The following FAIM variants were observed in gnomAD, a reference collection of about 807,000 sequenced individuals.
FAIM encodes the protein Fas apoptotic inhibitory molecule, also known as fas apoptotic inhibitory molecule 1.
FAIM carries 14 observed loss-of-function variants against 21.2 expected under a neutral mutation model. That is an observed-to-expected ratio of 0.66 (90% confidence interval 0.44 to 1.03). The LOEUF (loss-of-function observed/expected upper bound fraction) is 1.03, where lower values mean the gene tolerates loss of function less well. Among genes scored for constraint, FAIM ranks in the 50% least tolerant of loss-of-function variants. The pLI, the probability that FAIM is intolerant of heterozygous loss-of-function variation, is 0.00. For missense variants in FAIM, 222 were observed against 247.1 expected, an observed-to-expected ratio of 0.90 and a Z score of 0.68; for synonymous variants, 86 against 80.4, an observed-to-expected ratio of 1.07 and a Z score of -0.37.
In FAIM at chr3:138,622,410, G is replaced by C; in HGVS notation, c.400G>C (p.Val134Leu). Residue 134 changes from valine (V) to leucine (L), a missense_variant, in exon 4 of 6, where the codon GTT becomes CTT. Val to Leu is a conservative substitution (Grantham distance 32). Transcript: ENST00000360570. ...CATGGATGGTGAGAACTTTAGAATT[G>C]TTTTGGGTAAGTTAGTGCTGTTTCC... ...LHMDGENFRI[V>L]LEKDAMDVWC... The C allele has an allele frequency of 3.2e-6, 5 of 1,565,264 alleles. No individual in the cohort carries two copies. The highest frequency in any genetic ancestry group is 1.8e-4 in the Middle Eastern group (1 of 5,698).
chr3:138,628,676 G>C (rs1256860275), intron 4 of FAIM, among the ~76,000 whole-genome samples: 1 of 151,822 alleles, frequency 6.6e-6, no homozygotes, highest in Non-Finnish European at 1.5e-5. Flanking sequence ...GTAGAGATGG[G>C]GTTTCACCGT....
chr3:138,626,975 T>C (rs1342251171), intron 4 of FAIM, among the ~76,000 whole-genome samples: 3 of 152,192 alleles, frequency 2.0e-5, no homozygotes, highest in African/African-American at 7.2e-5. Context: ...TTGTATTTCC[T>C]TTCTCATGAT....
rs188565413 is a variant in FAIM, at chr3:138,622,535, G to A, written c.406+119G>A. ...AAAAGAAGAGGGAGTGTAAGTGCAG[G>A]TGTATTTCATTTGTTTAGAAACATT... On this transcript the variant is annotated intron_variant, in intron 4 of 5. Coordinates refer to ENST00000360570, the MANE Select transcript of FAIM (RefSeq NM_001033031.2). The A allele has an allele frequency of 8.7e-6, 6 of 687,846 alleles. No individual in the cohort carries two copies. In the East Asian group the frequency reaches 1.7e-4, roughly 20 times the overall value. 42.6% of individuals were successfully genotyped at this position (687,846 alleles called of 1,614,324 possible). A position where few individuals can be genotyped will look rare whatever the true frequency, so the allele number is the denominator to read the frequency against.
chr3:138,622,405 G>C lies in FAIM; in HGVS notation c.395G>C (p.Arg132Thr). The change falls in exon 4 of 6, where the codon AGA becomes ACA. Residue 132 changes from arginine (R) to threonine (T), a missense_variant. Coordinates refer to ENST00000360570, the MANE Select transcript of FAIM (RefSeq NM_001033031.2). Reference sequence around the variant, plus strand: ...TTACACATGGATGGTGAGAACTTTAGAATTGTTTTGGGTAAGTTAGTGCTG... The same window carrying C: ...TTACACATGGATGGTGAGAACTTTACAATTGTTTTGGGTAAGTTAGTGCTG... ...WVLHMDGENFRIVLEKDAMDV... is the reference protein window; with the variant it reads ...WVLHMDGENFTIVLEKDAMDV... The C allele has an allele frequency of 6.3e-7, 1 of 1,591,890 alleles. No individual in the cohort carries two copies. The highest frequency in any genetic ancestry group is 8.5e-7 in the Non-Finnish European group (1 of 1,171,306).
At chr3:138,626,018 G>T (rs113363648) in intron 4 of FAIM, among the ~76,000 whole-genome samples, 38 of 152,304 alleles carry the variant, frequency 2.5e-4, no homozygotes, top group African/African-American at 8.9e-4. Flanking sequence ...AAGTACATAT[G>T]AAACTTCACG....
intron 1 of FAIM, among the ~76,000 whole-genome samples, 161 bp from the exon 2 acceptor site, chr3:138,619,550 A>G (rs1442665294): frequency 6.6e-6 from 1 of 152,238 alleles, no homozygotes; most frequent in Non-Finnish European, 1.5e-5. Context: ...AAAGATTGCA[A>G]TTCTATTTTA....
intron 4 of FAIM, among the ~76,000 whole-genome samples, chr3:138,625,899 A>C (rs1375522640): frequency 6.6e-6 from 1 of 152,122 alleles, no homozygotes; most frequent in Non-Finnish European, 1.5e-5. Flanking sequence ...ACCACCTAAA[A>C]AATGTGAGGC....
chr3:138,622,129 TA>T, intron 3 of FAIM, 58 bp from the exon 4 acceptor site: 1 of 1,350,776 alleles, frequency 7.4e-7, no homozygotes. Context: ...ACGTTATTTC[TA>T]AAATTAGATA....
chr3:138,615,364 C>T (rs9851419), intron 1 of FAIM, among the ~76,000 whole-genome samples: 1 of 152,210 alleles, frequency 6.6e-6, no homozygotes, highest in Non-Finnish European at 1.5e-5. Flanking sequence ...GGGCATTTAA[C>T]TATTTGTTGA....
intron 4 of FAIM, among the ~76,000 whole-genome samples, chr3:138,628,523 T>G (rs192262229): frequency 6.6e-6 from 1 of 151,928 alleles, no homozygotes; most frequent in Non-Finnish European, 1.5e-5. Context: ...CTTTCTCTGT[T>G]GCCCAGGCTA....
intron 1 of FAIM, among the ~76,000 whole-genome samples, chr3:138,617,806 G>C (rs1301738186): frequency 7.0e-6 from 1 of 142,676 alleles, no homozygotes; most frequent in Non-Finnish European, 1.5e-5. Context: ...TTATTATTTT[G>C]GACATAGATA....
intron 4 of FAIM, 105 bp from the exon 5 acceptor site, chr3:138,629,002 A>C: frequency 1.3e-6 from 1 of 768,074 alleles, no homozygotes; most frequent in Non-Finnish European, 2.0e-6. Context: ...ATGGAGTTTT[A>C]GAGATCTGGT....
intron 1 of FAIM, among the ~76,000 whole-genome samples, chr3:138,609,360 C>T (rs540066139): frequency 1.3e-5 from 2 of 152,088 alleles, no homozygotes; most frequent in African/African-American, 4.8e-5. Context: ...AAAGATAATA[C>T]TTCTCACTGT....
chr3:138,609,653 C>T (rs1478498613), intron 1 of FAIM, among the ~76,000 whole-genome samples: 3 of 136,720 alleles, frequency 2.2e-5, no homozygotes, highest in Admixed American at 7.8e-5. Context: ...ACTGTACATT[C>T]CTGTGTGTCA....
At chr3:138,609,323 C>G (rs1198333701) in intron 1 of FAIM, among the ~76,000 whole-genome samples, 1 of 151,866 alleles carries the variant, frequency 6.6e-6, no homozygotes, top group African/African-American at 2.4e-5. Context: ...ACCTGCCGCA[C>G]CCTCCTCCGG....
At chr3:138,632,508 C>G (rs1254407236) in intron 5 of FAIM, among the ~76,000 whole-genome samples, 2 of 152,100 alleles carry the variant, frequency 1.3e-5, no homozygotes, top group African/African-American at 4.8e-5. Context: ...CCAGAGGAAT[C>G]AGATTTTCAG....
At chr3:138,612,198 T>C (rs2042777105) in intron 1 of FAIM, among the ~76,000 whole-genome samples, 1 of 150,660 alleles carries the variant, frequency 6.6e-6, no homozygotes, top group Admixed American at 6.7e-5. Context: ...CCTCCCGGGT[T>C]CACGCCATTC....
At chr3:138,627,829 G>C (rs2042955942) in intron 4 of FAIM, among the ~76,000 whole-genome samples, 1 of 152,068 alleles carries the variant, frequency 6.6e-6, no homozygotes, top group South Asian at 2.1e-4. Flanking sequence ...CCATCTCTAA[G>C]TGAGGCTCCC....
At chr3:138,619,841 T>A in intron 2 of FAIM, 71 bp downstream of exon 2, 1 of 1,358,528 alleles carries the variant, frequency 7.4e-7, no homozygotes, top group Non-Finnish European at 1.0e-6. Flanking sequence ...AAGAGTGATT[T>A]ATCCAAGATA....
Sources: gnomAD v4.1 joint callset for allele counts (sites outside exome capture counted in the v4.1 genomes callset) on GRCh38, gnomAD v4.1.1 for gene constraint, MANE v1.5 for transcripts, NCBI Gene and HGNC (gene_info 2026-07-23, HGNC 2026-07-21) for gene names.